The following EFCAB3 variants were observed in gnomAD, a reference collection of about 807,000 sequenced individuals.
EFCAB3 encodes EF-hand calcium-binding domain-containing protein 3.
Under a neutral mutation model 42.2 loss-of-function variants are expected in EFCAB3, and 36 were observed. The observed-to-expected ratio is 0.85, with a 90% CI of 0.65 to 1.13. EFCAB3 has a LOEUF of 1.13. Ranked by LOEUF, EFCAB3 falls within the 50% of genes most tolerant of loss-of-function variation. The probability of loss-of-function intolerance (pLI) is 0.00; values close to 1 mark genes in which losing one functional copy is unlikely to be tolerated. For missense variants in EFCAB3, 418 were observed against 505.1 expected (o/e 0.83, Z 1.65); for synonymous variants, 170 against 172.8 (o/e 0.98, Z 0.13).
At chr17:62,404,462 C>T (rs2070431470) in intron 6 of EFCAB3, among the ~76,000 whole-genome samples, 1 of 152,142 alleles carries the variant, frequency 6.6e-6, no homozygotes, top group Non-Finnish European at 1.5e-5. Flanking sequence ...CCCCTGTACT[C>T]CAGCCTGGGA....
intron 8 of EFCAB3, among the ~76,000 whole-genome samples, chr17:62,411,612 C>A (rs976222861): frequency 6.6e-6 from 1 of 151,636 alleles, no homozygotes; most frequent in African/African-American, 2.4e-5. Flanking sequence ...GTACTAAATA[C>A]AAAAATTAGT....
At chr17:62,381,764 C>T (rs1187906355) in intron 1 of EFCAB3, 4 of 398,178 alleles carry the variant, frequency 1.0e-5, no homozygotes, top group Non-Finnish European at 2.0e-5. Context: ...GCGTAGGCAT[C>T]GAGGCGGACG....
rs2070339494 is a variant in EFCAB3, at chr17:62,395,243, T to C, written c.488+55T>C. 8.1e-6 allele frequency: 13 copies of C among 1,595,746 alleles called. No homozygotes were observed. The Admixed American group carries it at 1.1e-4, about 13-fold the overall frequency. On this transcript the variant is annotated intron_variant, in intron 6 of 9. Coordinates refer to ENST00000305286, the MANE Select transcript of EFCAB3 (RefSeq NM_173503.4). ...CCTTCTCAGAAGCATTATGAAGATATTAACATGGCAGTCAGCTCCCACTAA... is the reference window on the plus strand; with the variant it reads ...CCTTCTCAGAAGCATTATGAAGATACTAACATGGCAGTCAGCTCCCACTAA...
intron 6 of EFCAB3, among the ~76,000 whole-genome samples, chr17:62,399,193 T>C (rs992967353): frequency 6.6e-6 from 1 of 151,950 alleles, no homozygotes. Flanking sequence ...AAAGTCTTTT[T>C]TTTTTTTCTT....
intron 8 of EFCAB3, among the ~76,000 whole-genome samples, chr17:62,413,497 C>T (rs565601268): frequency 7.2e-5 from 11 of 152,282 alleles, no homozygotes; most frequent in African/African-American, 2.6e-4. Context: ...TTTGACCTAG[C>T]AATTCCAGTC....
chr17:62,387,250 C>T, intron 2 of EFCAB3, 90 bp from the exon 3 acceptor site: 1 of 947,382 alleles, frequency 1.1e-6, no homozygotes, highest in Non-Finnish European at 1.6e-6. Context: ...ATGCTACAGT[C>T]ATTCCAGTAA....
chr17:62,390,998 CAT>C (rs1465819258), intron 3 of EFCAB3, among the ~76,000 whole-genome samples: 7 of 152,220 alleles, frequency 4.6e-5, no homozygotes, highest in Admixed American at 1.3e-4. Flanking sequence ...TACATACACA[CAT>C]ATGTGATTTG....
intron 5 of EFCAB3, among the ~76,000 whole-genome samples, chr17:62,394,849 T>C (rs1347874646): frequency 6.6e-6 from 1 of 152,220 alleles, no homozygotes; most frequent in African/African-American, 2.4e-5. Context: ...CTATGTTTTC[T>C]TAGAAGTTAT....
At chr17:62,397,844 G>A in intron 6 of EFCAB3, 1 of 287,014 alleles carries the variant, frequency 3.5e-6, no homozygotes, top group Non-Finnish European at 6.7e-6. Context: ...CCAACATGGT[G>A]AAACCCCGTC....
chr17:62,380,474 A>C, upstream of EFCAB3: 19 of 698,542 alleles, frequency 2.7e-5, no homozygotes, highest in Non-Finnish European at 3.3e-5. Context: ...TAAGGTTGGA[A>C]GGAGCTCCTG....
chr17:62,410,605 A>T (rs1422878274), intron 8 of EFCAB3, among the ~76,000 whole-genome samples: 5 of 151,886 alleles, frequency 3.3e-5, no homozygotes, highest in African/African-American at 9.7e-5. Context: ...TATATATATA[A>T]ATATATATAT....
intron 6 of EFCAB3, among the ~76,000 whole-genome samples, chr17:62,404,842 C>A (rs987682959): frequency 1.3e-5 from 2 of 152,006 alleles, no homozygotes; most frequent in Non-Finnish European, 1.5e-5. Flanking sequence ...AATACAAACA[C>A]AAGCCACTAG....
chr17:62,397,304 G>T, intron 6 of EFCAB3: 1 of 304,138 alleles, frequency 3.3e-6, no homozygotes. Context: ...TGGATCACTT[G>T]AGTCCATGAG....
At position 62,413,807 on chromosome 17, in the gene EFCAB3, A is replaced by G; in HGVS notation, c.943A>G (p.Lys315Glu). ...CTTCACCATTGATCAAATGCTCAAGAAAAAGCAGACTTGTACAGTGGCCGA... is the reference window on the plus strand; with the variant it reads ...CTTCACCATTGATCAAATGCTCAAGGAAAAGCAGACTTGTACAGTGGCCGA... ...NIFTIDQMLK[K>E]KQTCTVADAT... The change falls in exon 9 of 10, where the codon AAA (lysine) becomes GAA (glutamate). Residue 315 changes from lysine to glutamate, a missense_variant. By Grantham distance (56) the Lys-to-Glu change is moderately conservative. Transcript: ENST00000305286. 1.2e-6 allele frequency: 2 copies of G among 1,613,806 alleles called. No homozygotes were observed. Among genetic ancestry groups the G allele is most frequent in the Non-Finnish European group, 1.7e-6 (2 of 1,179,782 alleles).
intron 8 of EFCAB3, among the ~76,000 whole-genome samples, chr17:62,410,433 C>T (rs191126937): frequency 3.9e-5 from 6 of 152,108 alleles, no homozygotes; most frequent in Non-Finnish European, 8.8e-5. Flanking sequence ...CTTGACCCCA[C>T]ACATAGACTC....
chr17:62,394,733 TA>T (rs2144084468), intron 5 of EFCAB3, among the ~76,000 whole-genome samples: 1 of 152,344 alleles, frequency 6.6e-6, no homozygotes, highest in African/African-American at 2.4e-5. Flanking sequence ...AAAGAAAAGT[TA>T]TTTCTTACAA....
At chr17:62,373,956 A>G in intron 2 of EFCAB3, 1 of 674,382 alleles carries the variant, frequency 1.5e-6, no homozygotes, top group South Asian at 2.5e-5. Context: ...TAAAAGTAAT[A>G]TATGTTCATT....
At chr17:62,399,647 AC>A (rs1393583296) in intron 6 of EFCAB3, among the ~76,000 whole-genome samples, 1 of 151,982 alleles carries the variant, frequency 6.6e-6, no homozygotes, top group Non-Finnish European at 1.5e-5. Context: ...CTATCTGGAT[AC>A]TTTTCCCCTG....
chr17:62,409,800 T>C (rs1379684447), intron 8 of EFCAB3, among the ~76,000 whole-genome samples: 3 of 151,906 alleles, frequency 2.0e-5, no homozygotes, highest in African/African-American at 7.2e-5. Context: ...TATTTACAAA[T>C]ATTATAATAT....
Sources: gnomAD v4.1 joint callset for allele counts (sites outside exome capture counted in the v4.1 genomes callset) on GRCh38, gnomAD v4.1.1 for gene constraint, MANE v1.5 for transcripts, NCBI Gene and HGNC (gene_info 2026-07-23, HGNC 2026-07-21) for gene names.